Variants in ADAMTSL4 observed in about 807,000 individuals in gnomAD.
The protein encoded by ADAMTSL4 is ADAMTS-like protein 4.
A neutral mutation model predicts 122.8 loss-of-function variants in ADAMTSL4; 97 were observed. The observed-to-expected ratio is 0.79, with a 90% CI of 0.67 to 0.93. The LOEUF (loss-of-function observed/expected upper bound fraction) is 0.93. Among genes scored for constraint, ADAMTSL4 ranks in the 40% least tolerant of loss-of-function variants. ADAMTSL4 has a pLI of 0.00. For synonymous variants in ADAMTSL4, 592 were observed against 568.0 expected, an observed-to-expected ratio of 1.04 and a Z score of -0.60; for missense variants, 1,408 against 1,453.5, an observed-to-expected ratio of 0.97 and a Z score of 0.51.
intron 8 of ADAMTSL4, 34 bp downstream of exon 8, chr1:150,555,599 AT>A (rs1227135031): frequency 2.5e-5 from 40 of 1,571,538 alleles, no homozygotes; most frequent in Non-Finnish European, 3.4e-5. Flanking sequence ...GCACACACAC[AT>A]GCATATGCAC....
rs1553912463 is a variant in ADAMTSL4, at chr1:150,555,862, T to TGAACACATGCACACATGCAC, written c.1371+298_1372-280dup. On this transcript the variant is annotated intron_variant, in intron 8 of 18. Coordinates refer to ENST00000271643, the MANE Select transcript of ADAMTSL4 (RefSeq NM_019032.6). ...GCACACACATGTAGACACACATGCA[T>TGAACACATGCACACATGCAC]GAACACATGCACACATGCACACACA... 6.6e-6 allele frequency: 4 copies of TGAACACATGCACACATGCAC among 602,622 alleles called. No individual in the cohort carries two copies. The African/African-American group carries it at 7.4e-5, about 11-fold the overall frequency. 37.3% of individuals were successfully genotyped at this position (602,622 alleles called of 1,614,324 possible).
In ADAMTSL4 at chr1:150,554,343, T is replaced by G. The variant is rs755627505; in HGVS notation, c.1132-22T>G. 6.2e-7 allele frequency: 1 copy of G among 1,608,396 alleles called. No individual in the cohort carries two copies. Among genetic ancestry groups the G allele is most frequent in the Non-Finnish European group, 8.5e-7 (1 of 1,176,576 alleles). On this transcript the variant is annotated intron_variant, in intron 6 of 18. Transcript: ENST00000271643. This position sits in a 1 kb window ranked among gnomAD's most constrained non-coding sequence, Gnocchi z 4.0. ...CCTCATTTTGCTCCCCAGCTCTGAC[T>G]CCTTTGTACCCCTCACCGCAGCCCT...
Position 150,557,392 on chromosome 1 carries a change from C to T in ADAMTSL4, c.2047+57C>T, listed in dbSNP as rs917214841. 1.4e-5 allele frequency: 22 copies of T among 1,603,210 alleles called. 1 individual carries two copies. The South Asian group carries it at 2.5e-4, about 18-fold the overall frequency. On this transcript the variant is annotated intron_variant, in intron 12 of 18. Transcript: ENST00000271643. ...GGTCCAAACCCCCCAACTGACACTC[C>T]CGCATCCTGGATTGTGGGGCCACGC...
chr1:150,559,217 T>C lies in ADAMTSL4; in HGVS notation c.2763+52T>C, dbSNP rs749092589. The C allele has an allele frequency of 1.2e-6, 2 of 1,612,340 alleles. No individual in the cohort carries two copies. The highest frequency in any genetic ancestry group is 2.2e-5 in the South Asian group (2 of 90,904). On this transcript the variant is annotated intron_variant, in intron 16 of 18. Transcript: ENST00000271643. The surrounding 1 kb of genome is among the most constrained non-coding windows in gnomAD (Gnocchi z 4.1). Reference sequence around the variant, plus strand: ...GAAGGGGGTGCCAGTCCCAGTGGGATTCCTTGTGGGCACTTGGGGTGCTCT... The same window carrying C: ...GAAGGGGGTGCCAGTCCCAGTGGGACTCCTTGTGGGCACTTGGGGTGCTCT...
chr1:150,554,554 A>T lies in ADAMTSL4; in HGVS notation c.1234+87A>T, dbSNP rs1279022189. 1 of 1,576,370 alleles carries T rather than the reference A, an allele frequency of 6.3e-7. No homozygotes were observed. On this transcript the variant is annotated intron_variant, in intron 7 of 18. Coordinates refer to ENST00000271643, the MANE Select transcript of ADAMTSL4 (RefSeq NM_019032.6). This position sits in a 1 kb window ranked among gnomAD's most constrained non-coding sequence, Gnocchi z 4.0. ...AGATACCTGCTTACTCCCAGCCCTGAATGACTTCCAGCCCCTCTGCTTCCC... is the reference window on the plus strand; with the variant it reads ...AGATACCTGCTTACTCCCAGCCCTGTATGACTTCCAGCCCCTCTGCTTCCC...
rs2101670195 is a variant in ADAMTSL4 at position 150,560,207 on chromosome 1, G to A, written c.*11G>A. On this transcript the variant is annotated 3_prime_UTR_variant, in exon 19 of 19. Transcript: ENST00000271643. ...CAGGATCCCTCCTGAAAGGGGTCCG[G>A]GGCACCTTCACGGTTTTCTGTGCCA... 1 of 1,613,746 alleles carries A rather than the reference G, an allele frequency of 6.2e-7. No homozygotes were observed. The highest frequency in any genetic ancestry group is 2.2e-5 in the East Asian group (1 of 44,870).
At chr1:150,555,951 C>T (rs1672061986) in intron 8 of ADAMTSL4, 5 of 626,634 alleles carry the variant, frequency 8.0e-6, no homozygotes, top group Non-Finnish European at 5.7e-6. Context: ...GGAGAATTCT[C>T]ACCTGCCAAG....
chr1:150,554,374 C>A lies in ADAMTSL4; in HGVS notation c.1141C>A (p.Pro381Thr), dbSNP rs151226442. The change falls in exon 7 of 19, where the codon CCT becomes ACT. Residue 381 changes from proline to threonine, a missense_variant. Pro to Thr is a conservative substitution (Grantham distance 38, BLOSUM62 -1). Coordinates refer to ENST00000271643, the MANE Select transcript of ADAMTSL4 (RefSeq NM_019032.6). This position sits in a 1 kb window ranked among gnomAD's most constrained non-coding sequence, Gnocchi z 4.0. ...LRACSQAPCP[P>T]EQPDPRALQC... is the part of the protein sequence containing the mutation. ...GTACCCCTCACCGCAGCCCTGCCCC[C>A]CTGAGCAGCCAGACCCCCGGGCCCT... 31 of 1,613,262 alleles carry A rather than the reference C, an allele frequency of 1.9e-5. No homozygotes were observed. The highest frequency in any genetic ancestry group is 6.7e-5 in the Admixed American group (4 of 60,022).
intron 2 of ADAMTSL4, chr1:150,551,352 C>T (rs923347501): frequency 2.0e-5 from 6 of 298,640 alleles, no homozygotes; most frequent in Non-Finnish European, 4.0e-5. Flanking sequence ...TTTAGCTTAT[C>T]CCTTGGCCAA....
chr1:150,559,638 G>C lies in ADAMTSL4; in HGVS notation c.2944-123G>C. On this transcript the variant is annotated intron_variant, in intron 17 of 18. Coordinates refer to ENST00000271643, the MANE Select transcript of ADAMTSL4 (RefSeq NM_019032.6). The surrounding 1 kb of genome is among the most constrained non-coding windows in gnomAD (Gnocchi z 4.1). ...GAGGAAAGATGGGCCCTCTCCATTT[G>C]GGATTTCACAATGTCCTAGGAGGGT... The C allele has an allele frequency of 6.4e-7, 1 of 1,568,482 alleles. No individual in the cohort carries two copies. The highest frequency in any genetic ancestry group is 1.1e-5 in the South Asian group (1 of 88,696).
At chr1:150,558,725 C>T (rs1440418587) in intron 15 of ADAMTSL4, 76 bp downstream of exon 15, 1 of 1,611,160 alleles carries the variant, frequency 6.2e-7, no homozygotes, top group Non-Finnish European at 8.5e-7. Flanking sequence ...TCCAGCATAG[C>T]TCAATAAACT....
In ADAMTSL4 at chr1:150,560,584, C is replaced by A; in HGVS notation, c.*388C>A. 1 of 276,834 alleles carries A rather than the reference C, an allele frequency of 3.6e-6. No homozygotes were observed. Among genetic ancestry groups the A allele is most frequent in the Non-Finnish European group, 7.1e-6 (1 of 140,886 alleles). The allele number at this position is 276,834 out of a possible 1,614,324, so 17.1% of individuals were successfully genotyped here. A position where few individuals can be genotyped will look rare whatever the true frequency, so the allele number is the denominator to read the frequency against. On this transcript the variant is annotated 3_prime_UTR_variant, in exon 19 of 19. Transcript: ENST00000271643. ...TGAGCTACTTAGAGTGTGGTCTCCC[C>A]ACCAACTCCAGTTTTGTGCCCTAAG...
At position 150,560,282 on chromosome 1, in the gene ADAMTSL4, C is replaced by G. The variant is rs1262850161; in HGVS notation, c.*86C>G. The G allele has an allele frequency of 1.6e-5, 25 of 1,572,598 alleles. No homozygotes were observed. Among genetic ancestry groups the G allele is most frequent in the South Asian group, 1.1e-5 (1 of 88,024 alleles). ...CACTCTGAACCCCCTGGCTCTCCAG[C>G]CTGTCCCAGTCTCAGCAGGGATGTC... is the stretch of plus-strand genomic sequence containing the variant. On this transcript the variant is annotated 3_prime_UTR_variant, in exon 19 of 19. Transcript: ENST00000271643.
Position 150,552,506 on chromosome 1 carries a change from C to T in ADAMTSL4, c.21-37C>T, listed in dbSNP as rs1431690343. 2 of 1,613,792 alleles carry T rather than the reference C, an allele frequency of 1.2e-6. No homozygotes were observed. Among genetic ancestry groups the T allele is most frequent in the East Asian group, 2.2e-5 (1 of 44,880 alleles). ...CAGTGTTGCAACACCCCCTCTGGCT[C>T]CAGTCTGACGTCCCTCCCCTGGCCT... On this transcript the variant is annotated intron_variant, in intron 3 of 18. Coordinates refer to ENST00000271643, the MANE Select transcript of ADAMTSL4 (RefSeq NM_019032.6). This position sits in a 1 kb window ranked among gnomAD's most constrained non-coding sequence, Gnocchi z 4.0.
chr1:150,557,018 C>T lies in ADAMTSL4; in HGVS notation c.1829C>T (p.Thr610Ile). 1.2e-6 allele frequency: 2 copies of T among 1,614,004 alleles called. No individual in the cohort carries two copies. ...CCTCCTCCAATCCTTGAGAACCCCA[C>T]CCCAGAGCCCCCTGTCCCCCAGCTT... ...SSPPPILENP[T>I]PEPPVPQLQP... The change falls in exon 11 of 19, where the codon ACC becomes ATC. Residue 610 changes from threonine to isoleucine, a missense_variant. By Grantham distance (89) the Thr-to-Ile change is moderately conservative (BLOSUM62 -1). Transcript: ENST00000271643.
chr1:150,552,170 C>T lies in ADAMTSL4; in HGVS notation c.-84-35C>T. 1 of 1,094,762 alleles carries T rather than the reference C, an allele frequency of 9.1e-7. No individual in the cohort carries two copies. Among genetic ancestry groups the T allele is most frequent in the Non-Finnish European group, 1.3e-6 (1 of 753,122 alleles). 67.8% of individuals were successfully genotyped at this position (1,094,762 alleles called of 1,614,324 possible). On this transcript the variant is annotated intron_variant, in intron 2 of 18. Coordinates refer to ENST00000271643, the MANE Select transcript of ADAMTSL4 (RefSeq NM_019032.6). This position sits in a 1 kb window ranked among gnomAD's most constrained non-coding sequence, Gnocchi z 4.0. ...CTCCCAGCCCCAAGCTCTCTGGACA[C>T]TGGAGAGGTAACCACCAGGCTTCTG...
In ADAMTSL4 at chr1:150,560,254, G is replaced by A. The variant is rs1005281905; in HGVS notation, c.*58G>A. The A allele has an allele frequency of 3.1e-6, 5 of 1,606,354 alleles. No homozygotes were observed. In the African/African-American group the frequency reaches 5.3e-5, roughly 17 times the overall value. ...GCCACCATCGGTCACCCATTGATCGGCCCACTCTGAACCCCCTGGCTCTCC... is the reference window on the plus strand; with the variant it reads ...GCCACCATCGGTCACCCATTGATCGACCCACTCTGAACCCCCTGGCTCTCC... On this transcript the variant is annotated 3_prime_UTR_variant, in exon 19 of 19. Transcript: ENST00000271643.
chr1:150,557,801 C>A (rs1204825341), intron 13 of ADAMTSL4, 144 bp from the exon 14 acceptor site: 1 of 1,327,788 alleles, frequency 7.5e-7, no homozygotes, highest in Non-Finnish European at 1.0e-6. Context: ...CTGAGCCCCC[C>A]AGGAACCCAG....
At position 150,549,838 on chromosome 1, in the gene ADAMTSL4, G is replaced by A. The variant is rs1021507369; in HGVS notation, c.-142G>A. On this transcript the variant is annotated 5_prime_UTR_variant, in exon 2 of 19. Transcript: ENST00000271643. This position sits in a 1 kb window ranked among gnomAD's most constrained non-coding sequence, Gnocchi z 5.0. ...TCTCTCTAGGAGGGTGCTCTCGGAC[G>A]GTGTGTCCCCCACTGCACTCCTGAA... The A allele has an allele frequency of 4.0e-5, 7 of 174,912 alleles. No individual in the cohort carries two copies. The East Asian group carries it at 9.5e-4, about 24-fold the overall frequency. 10.8% of individuals were successfully genotyped at this position (174,912 alleles called of 1,614,324 possible). A position where few individuals can be genotyped will look rare whatever the true frequency, so the allele number is the denominator to read the frequency against.
Sources: allele counts gnomAD v4.1 joint callset, GRCh38; gene constraint gnomAD v4.1.1; non-coding constraint Gnocchi (gnomAD v3.1); transcripts MANE v1.5; gene names NCBI Gene and HGNC (gene_info 2026-07-23, HGNC 2026-07-21).